NRG3: variants seen among roughly 807,000 people sequenced by gnomAD.
NRG3 encodes the protein pro-neuregulin-3, membrane-bound isoform.
NRG3 carries 31 observed loss-of-function variants against 66.9 expected under a neutral mutation model. That is an observed-to-expected ratio of 0.46 (90% confidence interval 0.35 to 0.63). The LOEUF is 0.63. NRG3 is among the 20% of genes least tolerant of loss of function. NRG3 has a pLI of 0.00. For synonymous variants in NRG3, 393 were observed against 359.4 expected (o/e 1.09, Z -1.06); for missense variants, 910 against 878.9 (o/e 1.04, Z -0.45).
chr10:82,116,032 C>A (rs1317456026), intron 1 of NRG3, among the ~76,000 whole-genome samples: 1 of 152,120 alleles, frequency 6.6e-6, no homozygotes, highest in Admixed American at 6.6e-5. Context: ...CACCTTTAAC[C>A]AGGCTACACT....
chr10:82,869,694 G>T (rs985001565), intron 4 of NRG3, among the ~76,000 whole-genome samples: 7 of 151,252 alleles, frequency 4.6e-5, no homozygotes, highest in Non-Finnish European at 7.4e-5. Context: ...TGCAAGCTCC[G>T]CCTCAGGGGT....
intron 2 of NRG3, among the ~76,000 whole-genome samples, chr10:82,732,840 A>T (rs1415620015): frequency 6.6e-6 from 1 of 152,198 alleles, no homozygotes; most frequent in Non-Finnish European, 1.5e-5. Flanking sequence ...CGATCTTTCC[A>T]TTTTCCCCAA....
chr10:81,884,799 A>G (rs758398580), intron 1 of NRG3, among the ~76,000 whole-genome samples: 14 of 152,188 alleles, frequency 9.2e-5, no homozygotes, highest in Non-Finnish European at 1.5e-4. Flanking sequence ...AAAATTGTAC[A>G]TATTTAATGT....
chr10:82,761,914 C>T (rs1297887157), intron 3 of NRG3, among the ~76,000 whole-genome samples: 12 of 136,184 alleles, frequency 8.8e-5, no homozygotes, highest in African/African-American at 3.3e-4. Flanking sequence ...TTTCTTCTTT[C>T]TTTCTTTCTC....
At chr10:82,893,096 G>A (rs1843316687) in intron 4 of NRG3, among the ~76,000 whole-genome samples, 1 of 152,158 alleles carries the variant, frequency 6.6e-6, no homozygotes, top group Non-Finnish European at 1.5e-5. Context: ...TGTATGATAT[G>A]AAGTGTATAA....
At chr10:82,629,073 A>T (rs897280190) in intron 2 of NRG3, among the ~76,000 whole-genome samples, 1 of 152,122 alleles carries the variant, frequency 6.6e-6, no homozygotes, top group Non-Finnish European at 1.5e-5. Flanking sequence ...AGATTTGGGG[A>T]GGATAAAACT....
intron 1 of NRG3, among the ~76,000 whole-genome samples, chr10:81,888,024 C>T (rs1282595891): frequency 6.6e-6 from 1 of 152,052 alleles, no homozygotes; most frequent in Non-Finnish European, 1.5e-5. Context: ...AGGAACATTC[C>T]TTTGGCCTTT....
At position 82,659,693 on chromosome 10, in the gene NRG3, T is replaced by G. The variant is rs774000119; in HGVS notation, c.954-78884T>G. Among the ~76,000 whole-genome samples the G allele has an allele frequency of 1.5e-4, 23 of 151,656 alleles. 1 individual carries two copies. Among genetic ancestry groups the G allele is most frequent in the Admixed American group, 6.6e-5 (1 of 15,230 alleles). On this transcript the variant is annotated intron_variant, in intron 2 of 8. Transcript: ENST00000372141. The stretch of plus-strand genomic sequence containing the variant: ...AACAGAAAACCAAAGAAAAATATTC[T>G]AAAGAAAAAAAAAATCAGTTGTTGT...
intron 1 of NRG3, among the ~76,000 whole-genome samples, chr10:81,980,591 T>G (rs926608730): frequency 6.6e-6 from 1 of 152,216 alleles, no homozygotes; most frequent in Admixed American, 6.5e-5. Context: ...GCACAGACAC[T>G]ATATACAAAA....
At chr10:82,403,509 A>G (rs1311446857) in intron 2 of NRG3, among the ~76,000 whole-genome samples, 2 of 152,212 alleles carry the variant, frequency 1.3e-5, no homozygotes, top group South Asian at 2.1e-4. Flanking sequence ...AAGGGCATAC[A>G]TATTTCAAAA....
intron 1 of NRG3, among the ~76,000 whole-genome samples, chr10:81,925,747 T>A (rs528370101): frequency 0.011 from 1,603 of 150,328 alleles, 7 homozygotes; most frequent in Non-Finnish European, 0.018. Flanking sequence ...ACTTTTTTTT[T>A]AAAAAAAAAA....
chr10:82,113,176 A>T (rs775789931), intron 1 of NRG3, among the ~76,000 whole-genome samples: 2 of 152,164 alleles, frequency 1.3e-5, no homozygotes, highest in African/African-American at 4.8e-5. Flanking sequence ...GCAGTGGGCT[A>T]AATGCTTTTC....
At chr10:82,451,624 G>T (rs919258405) in intron 2 of NRG3, among the ~76,000 whole-genome samples, 3 of 152,054 alleles carry the variant, frequency 2.0e-5, no homozygotes, top group Non-Finnish European at 4.4e-5. Flanking sequence ...AGCAGCAAAT[G>T]TAAATAAAAT....
At chr10:82,575,528 G>C (rs566842255) in intron 2 of NRG3, among the ~76,000 whole-genome samples, 2 of 151,800 alleles carry the variant, frequency 1.3e-5, no homozygotes, top group South Asian at 4.1e-4. Flanking sequence ...TGAAGGCAGT[G>C]AAGAACCAGT....
chr10:82,095,734 A>G (rs1049089877), intron 1 of NRG3, among the ~76,000 whole-genome samples: 1 of 152,224 alleles, frequency 6.6e-6, no homozygotes, highest in African/African-American at 2.4e-5. Flanking sequence ...GAATAGTGTT[A>G]AAACTTAACT....
At chr10:81,878,255 A>G (rs1488493005) in intron 1 of NRG3, among the ~76,000 whole-genome samples, 1 of 152,176 alleles carries the variant, frequency 6.6e-6, no homozygotes. Context: ...TATAAGCAGT[A>G]TTTGTTGTAT....
At chr10:82,183,402 A>G (rs762084645) in intron 1 of NRG3, among the ~76,000 whole-genome samples, 7 of 151,894 alleles carry the variant, frequency 4.6e-5, no homozygotes, top group Non-Finnish European at 8.8e-5. Context: ...TCGTTAACTC[A>G]TATATCTCCT....
At chr10:82,299,443 A>G (rs1025780133) in intron 1 of NRG3, among the ~76,000 whole-genome samples, 1 of 152,124 alleles carries the variant, frequency 6.6e-6, no homozygotes, top group Non-Finnish European at 1.5e-5. Context: ...TCTGGCCAGC[A>G]GGCTGTGTTG....
At chr10:82,182,035 A>G (rs1234284938) in intron 1 of NRG3, among the ~76,000 whole-genome samples, 1 of 151,608 alleles carries the variant, frequency 6.6e-6, no homozygotes, top group African/African-American at 2.4e-5. Context: ...TTTTGACTTA[A>G]AATGTATTTT....
Sources: gnomAD v4.1 joint callset for allele counts (sites outside exome capture counted in the v4.1 genomes callset) on GRCh38, gnomAD v4.1.1 for gene constraint, MANE v1.5 for transcripts, NCBI Gene and HGNC (gene_info 2026-07-23, HGNC 2026-07-21) for gene names.